Variants in CDH7 observed in about 807,000 individuals in gnomAD.
The protein encoded by CDH7 is cadherin-7.
In CDH7, 25 loss-of-function variants were observed where a neutral mutation model predicts 71.8. The ratio of observed to expected loss-of-function variants is 0.35; its 90% confidence interval spans 0.25 to 0.49. The LOEUF (loss-of-function observed/expected upper bound fraction) is 0.49, where lower values mean the gene tolerates loss of function less well. Among genes scored for constraint, CDH7 ranks in the 20% least tolerant of loss-of-function variants. CDH7 has a pLI of 0.99. For missense variants in CDH7, 862 were observed against 974.6 expected, an observed-to-expected ratio of 0.88 and a Z score of 1.54; for synonymous variants, 381 against 363.8, an observed-to-expected ratio of 1.05 and a Z score of -0.54.
chr18:65,845,390 G>A (rs1354974431), intron 7 of CDH7, among the ~76,000 whole-genome samples: 1 of 151,934 alleles, frequency 6.6e-6, no homozygotes, highest in Non-Finnish European at 1.5e-5. Flanking sequence ...TATAATCTGT[G>A]CACAAGAATA....
At position 65,880,829 on chromosome 18, in the gene CDH7, T is replaced by C; in HGVS notation, c.2293T>C (p.Trp765Arg). The change falls in exon 12 of 12, where the codon TGG becomes CGG. Residue 765 changes from tryptophan to arginine, a missense_variant. Trp to Arg is a moderately radical substitution (Grantham distance 101). Coordinates refer to ENST00000397968, the MANE Select transcript of CDH7 (RefSeq NM_004361.5). ...SDQNYDYLSD[W>R]GPRFKRLADM... The stretch of plus-strand genomic sequence containing the variant: ...TCAGAACTATGACTACCTAAGTGAC[T>C]GGGGACCTCGCTTTAAACGACTCGC... 1 of 1,614,036 alleles carries C rather than the reference T, an allele frequency of 6.2e-7. No homozygotes were observed. Among genetic ancestry groups the C allele is most frequent in the South Asian group, 1.1e-5 (1 of 91,068 alleles).
chr18:65,773,042 T>C (rs1448569525), intron 2 of CDH7, among the ~76,000 whole-genome samples: 1 of 152,104 alleles, frequency 6.6e-6, no homozygotes, highest in Non-Finnish European at 1.5e-5. Context: ...ATCGATAAAG[T>C]CCAGTTTTTC....
intron 2 of CDH7, among the ~76,000 whole-genome samples, chr18:65,774,163 A>G (rs1377494224): frequency 2.6e-5 from 4 of 151,954 alleles, no homozygotes; most frequent in African/African-American, 9.7e-5. Flanking sequence ...CTATCCCTCT[A>G]TTAATACAAG....
intron 2 of CDH7, among the ~76,000 whole-genome samples, chr18:65,772,737 C>G (rs944251766): frequency 6.6e-5 from 10 of 152,182 alleles, no homozygotes; most frequent in South Asian, 2.1e-4. Context: ...TAATGAGGTA[C>G]AGTTTAAAGC....
intron 6 of CDH7, among the ~76,000 whole-genome samples, chr18:65,840,201 A>C (rs1456531805): frequency 6.6e-6 from 1 of 152,166 alleles, no homozygotes; most frequent in Admixed American, 6.5e-5. Flanking sequence ...GATGACAATA[A>C]ATTTAAAGAC....
chr18:65,871,449 G>A (rs566458541), intron 11 of CDH7, among the ~76,000 whole-genome samples: 1 of 152,258 alleles, frequency 6.6e-6, no homozygotes, highest in South Asian at 2.1e-4. Context: ...GGTATGCAAC[G>A]CAGATGAGGT....
At chr18:65,816,079 TC>T (rs1451024218) in intron 4 of CDH7, among the ~76,000 whole-genome samples, 1 of 152,208 alleles carries the variant, frequency 6.6e-6, no homozygotes, top group African/African-American at 2.4e-5. Flanking sequence ...TACCGGTTGA[TC>T]AACTAGACAA....
intron 2 of CDH7, among the ~76,000 whole-genome samples, chr18:65,794,293 G>C (rs995690190): frequency 6.6e-6 from 1 of 151,978 alleles, no homozygotes; most frequent in African/African-American, 2.4e-5. Context: ...GGGAACTATC[G>C]ATGATTTTGT....
At chr18:65,853,390 T>C (rs960124470) in intron 7 of CDH7, among the ~76,000 whole-genome samples, 1 of 77,190 alleles carries the variant, frequency 1.3e-5, no homozygotes, top group African/African-American at 3.1e-5. Flanking sequence ...TTCTCTTGGC[T>C]CAATCAGCCA....
chr18:65,762,888 G>T lies in CDH7; in HGVS notation c.46G>T (p.Ala16Ser). Residue 16 changes from alanine (A) to serine (S), a missense_variant, in exon 2 of 12, where the codon GCT becomes TCT. Ala to Ser is a moderately conservative substitution (Grantham distance 99, BLOSUM62 1). Coordinates refer to ENST00000397968, the MANE Select transcript of CDH7 (RefSeq NM_004361.5). ...VEFCHFLQLI[A>S]LFLCFSGMSQ... ...GTTCTGCCATTTTCTGCAGCTAATA[G>T]CTCTTTTCCTGTGTTTTTCTGGGAT... 1.9e-6 allele frequency: 3 copies of T among 1,613,382 alleles called. No individual in the cohort carries two copies. The highest frequency in any genetic ancestry group is 2.5e-6 in the Non-Finnish European group (3 of 1,179,742).
intron 2 of CDH7, among the ~76,000 whole-genome samples, chr18:65,770,261 G>A (rs1279978134): frequency 6.6e-6 from 1 of 151,958 alleles, no homozygotes; most frequent in African/African-American, 2.4e-5. Context: ...GTCCAAAATT[G>A]CAAGAAAGTT....
intron 1 of CDH7, among the ~76,000 whole-genome samples, chr18:65,759,285 C>T (rs913533641): frequency 6.6e-6 from 1 of 150,764 alleles, no homozygotes; most frequent in African/African-American, 2.4e-5. Flanking sequence ...CTCGCTGTCA[C>T]CCAGGCTAGA....
chr18:65,855,061 G>A (rs1001779570), intron 7 of CDH7, among the ~76,000 whole-genome samples: 1 of 151,892 alleles, frequency 6.6e-6, no homozygotes, highest in Non-Finnish European at 1.5e-5. Flanking sequence ...GAGCCATCAG[G>A]CCTCTAAAAA....
At chr18:65,850,310 G>A (rs945737585) in intron 7 of CDH7, among the ~76,000 whole-genome samples, 1 of 151,138 alleles carries the variant, frequency 6.6e-6, no homozygotes, top group Non-Finnish European at 1.5e-5. Context: ...TTTTTATCAT[G>A]TACTATCCTC....
chr18:65,837,109 A>G (rs539726203), intron 6 of CDH7, among the ~76,000 whole-genome samples: 5 of 152,314 alleles, frequency 3.3e-5, no homozygotes, highest in African/African-American at 1.2e-4. Context: ...CTTCTTCTGT[A>G]GAAAATATAA....
At chr18:65,855,752 G>A (rs1252406347) in intron 7 of CDH7, among the ~76,000 whole-genome samples, 4 of 152,082 alleles carry the variant, frequency 2.6e-5, no homozygotes, top group Non-Finnish European at 5.9e-5. Flanking sequence ...TACAAGTACA[G>A]CCTTATTCTT....
chr18:65,808,364 C>CAAT (rs1911401672), intron 2 of CDH7, among the ~76,000 whole-genome samples: 1 of 152,112 alleles, frequency 6.6e-6, no homozygotes, highest in East Asian at 1.9e-4. Context: ...TGACTTAAGA[C>CAAT]AGTTAAATAA....
At position 65,887,922 on chromosome 18, in the gene CDH7, A is replaced by T. The variant is rs1333204590; in HGVS notation, c.*7028A>T. The T allele has an allele frequency of 6.6e-6, 1 of 152,192 alleles. No individual in the cohort carries two copies. The highest frequency in any genetic ancestry group is 1.5e-5 in the Non-Finnish European group (1 of 68,018). 9.4% of individuals were successfully genotyped at this position (152,192 alleles called of 1,614,324 possible). A position where few individuals can be genotyped will look rare whatever the true frequency, so the allele number is the denominator to read the frequency against. On this transcript the variant is annotated 3_prime_UTR_variant, in exon 12 of 12. Coordinates refer to ENST00000397968, the MANE Select transcript of CDH7 (RefSeq NM_004361.5). The stretch of plus-strand genomic sequence containing the variant: ...GTTTATGAGATTCCATTATAATTAC[A>T]TTAAAAAGAAAACCACTTTTATAAT...
At chr18:65,787,276 A>G (rs1437481847) in intron 2 of CDH7, among the ~76,000 whole-genome samples, 1 of 152,214 alleles carries the variant, frequency 6.6e-6, no homozygotes, top group Non-Finnish European at 1.5e-5. Flanking sequence ...TCTACATATA[A>G]GAAGGATTAT....
Sources: allele counts gnomAD v4.1 joint callset (sites outside exome capture counted in the v4.1 genomes callset), GRCh38; gene constraint gnomAD v4.1.1; transcripts MANE v1.5; gene names NCBI Gene and HGNC (gene_info 2026-07-23, HGNC 2026-07-21).